POU3F3: variants seen among roughly 807,000 people sequenced by gnomAD.
POU3F3 encodes POU domain, class 3, transcription factor 3.
POU3F3 carries 1 observed loss-of-function variant against 8.6 expected under a neutral mutation model. The observed-to-expected ratio is 0.12, with a 90% CI of 0.04 to 0.55. The LOEUF (loss-of-function observed/expected upper bound fraction) is 0.55. Ranked by LOEUF, POU3F3 falls within the 20% of genes least tolerant of loss-of-function variation. The probability of loss-of-function intolerance (pLI) is 0.91; values close to 1 mark genes in which losing one functional copy is unlikely to be tolerated. For missense variants in POU3F3, 577 were observed against 690.7 expected, an observed-to-expected ratio of 0.84 and a Z score of 1.84; for synonymous variants, 418 against 327.4, an observed-to-expected ratio of 1.28 and a Z score of -2.99.
the POU3F3 span, among the ~76,000 whole-genome samples, chr2:104,912,407 G>A: frequency 2.0e-5 from 3 of 152,132 alleles, no homozygotes; most frequent in Admixed American, 6.6e-5. Flanking sequence ...CGCCAAAGCT[G>A]TTGAGCACCA....
At chr2:104,915,413 G>A in the POU3F3 span, among the ~76,000 whole-genome samples, 7 of 152,250 alleles carry the variant, frequency 4.6e-5, no homozygotes, top group East Asian at 1.9e-4. Flanking sequence ...CTCCTGCCCC[G>A]CAACCCTTTG....
chr2:104,901,421 T>A, the POU3F3 span, among the ~76,000 whole-genome samples: 2 of 152,050 alleles, frequency 1.3e-5, no homozygotes, highest in African/African-American at 2.4e-5. Context: ...CTCCTTGGGG[T>A]CCCCATGACA....
At chr2:104,877,486 TG>T in the POU3F3 span, among the ~76,000 whole-genome samples, 2 of 151,734 alleles carry the variant, frequency 1.3e-5, no homozygotes, top group Non-Finnish European at 2.9e-5. Flanking sequence ...GATGGTGGAG[TG>T]TGCGCTAATG....
the POU3F3 span, among the ~76,000 whole-genome samples, chr2:104,886,921 A>T: frequency 2.6e-5 from 4 of 152,114 alleles, no homozygotes; most frequent in East Asian, 7.7e-4. Flanking sequence ...AATAAAAAAT[A>T]AAAAAATTTA....
At chr2:104,927,506 G>A in the POU3F3 span, among the ~76,000 whole-genome samples, 2 of 152,070 alleles carry the variant, frequency 1.3e-5, no homozygotes, top group Admixed American at 1.3e-4. Context: ...TCTAATCCCA[G>A]CACTTTGAGA....
the POU3F3 span, among the ~76,000 whole-genome samples, chr2:104,901,362 C>T: frequency 1.3e-5 from 2 of 152,252 alleles, no homozygotes; most frequent in East Asian, 1.9e-4. Flanking sequence ...CAAATTGGAG[C>T]GATCGATATG....
rs1455646080 is a variant in POU3F3, at chr2:104,856,706, A to G, written c.1196A>G (p.Lys399Arg). Reference sequence around the variant, plus strand: ...ACCGGCAGCCCCACAAGCATCGACAAGATCGCGGCGCAGGGCCGCAAGCGC... The same window carrying G: ...ACCGGCAGCCCCACAAGCATCGACAGGATCGCGGCGCAGGGCCGCAAGCGC... Reference protein sequence around the residue: ...SSTGSPTSIDKIAAQGRKRKK... With the variant: ...SSTGSPTSIDRIAAQGRKRKK... Residue 399 changes from lysine (K) to arginine (R), a missense_variant, in exon 1 of 1, where the codon AAG (lysine) becomes AGG (arginine). Physicochemically the swap from Lys to Arg is conservative, Grantham distance 26. Transcript: ENST00000361360. 2 of 1,614,080 alleles carry G rather than the reference A, an allele frequency of 1.2e-6. No individual in the cohort carries two copies. Among genetic ancestry groups the G allele is most frequent in the Non-Finnish European group, 1.7e-6 (2 of 1,180,008 alleles).
Position 104,857,996 on chromosome 2 carries a change from C to A in POU3F3, c.*983C>A, listed in dbSNP as rs1396628667. 5.3e-5 allele frequency: 8 copies of A among 152,180 alleles called. No individual in the cohort carries two copies. Among genetic ancestry groups the A allele is most frequent in the Non-Finnish European group, 7.3e-5 (5 of 68,032 alleles). The allele number at this position is 152,180 out of a possible 1,614,324, so 9.4% of individuals were successfully genotyped here. On this transcript the variant is annotated 3_prime_UTR_variant, in exon 1 of 1. Coordinates refer to ENST00000361360, the MANE Select transcript of POU3F3 (RefSeq NM_006236.3). Reference sequence around the variant, plus strand: ...GCGAGGCCGCCGAGCCAGGCCCGGCCGCGTACCCAGGCTTTGACGGCTGCC... The same window carrying A: ...GCGAGGCCGCCGAGCCAGGCCCGGCAGCGTACCCAGGCTTTGACGGCTGCC...
the POU3F3 span, among the ~76,000 whole-genome samples, chr2:104,887,456 A>G: frequency 3.7e-3 from 570 of 152,322 alleles, 6 homozygotes; most frequent in African/African-American, 0.013. Context: ...TGCGTAGATA[A>G]GGCTTAAAGG....
In POU3F3 at chr2:104,855,786, C is replaced by T; in HGVS notation, c.276C>T (p.Ser92=). Residue 92 remains serine, a synonymous_variant, in exon 1 of 1, where the codon AGC becomes AGT. Coordinates refer to ENST00000361360, the MANE Select transcript of POU3F3 (RefSeq NM_006236.3). ...MAASNGGHML[S]HAHQWVTALP... is the part of the protein sequence containing the mutation. ...CCAGCAACGGCGGCCATATGCTGAGCCACGCGCACCAGTGGGTCACAGCCC... is the reference window on the plus strand; with the variant it reads ...CCAGCAACGGCGGCCATATGCTGAGTCACGCGCACCAGTGGGTCACAGCCC... 3 of 1,321,612 alleles carry T rather than the reference C, an allele frequency of 2.3e-6. No individual in the cohort carries two copies. Among genetic ancestry groups the T allele is most frequent in the Non-Finnish European group, 2.0e-6 (2 of 1,015,340 alleles). The allele number at this position is 1,321,612 out of a possible 1,614,324, so 81.9% of individuals were successfully genotyped here. A position where few individuals can be genotyped will look rare whatever the true frequency, so the allele number is the denominator to read the frequency against.
rs1310424953 is a variant in POU3F3, at chr2:104,855,923, A to C, written c.413A>C (p.Gln138Pro). The C allele has an allele frequency of 9.5e-6, 10 of 1,057,570 alleles. No individual in the cohort carries two copies. In the African/African-American group the frequency reaches 1.3e-4, roughly 13 times the overall value. The allele number at this position is 1,057,570 out of a possible 1,614,324, so 65.5% of individuals were successfully genotyped here. A position where few individuals can be genotyped will look rare whatever the true frequency, so the allele number is the denominator to read the frequency against. ...GMAGSPQQPP[Q>P]PPPPPPQGPD... is the part of the protein sequence containing the mutation. Reference sequence around the variant, plus strand: ...GCTGGCAGCCCCCAGCAGCCACCGCAGCCGCCGCCGCCACCGCCGCAGGGC... The same window carrying C: ...GCTGGCAGCCCCCAGCAGCCACCGCCGCCGCCGCCGCCACCGCCGCAGGGC... Residue 138 changes from glutamine to proline, a missense_variant, in exon 1 of 1, where the codon CAG becomes CCG. Gln to Pro is a moderately conservative substitution (Grantham distance 76). Transcript: ENST00000361360.
At chr2:104,908,208 G>A in the POU3F3 span, among the ~76,000 whole-genome samples, 1 of 152,088 alleles carries the variant, frequency 6.6e-6, no homozygotes, top group South Asian at 2.1e-4. Context: ...ATTTTATTCA[G>A]GATCTTTGCA....
At chr2:104,884,293 C>A in the POU3F3 span, among the ~76,000 whole-genome samples, 1 of 152,016 alleles carries the variant, frequency 6.6e-6, no homozygotes, top group Non-Finnish European at 1.5e-5. Flanking sequence ...TTAGATGCAC[C>A]CAGCAGCAGA....
rs1361986133 is a variant in POU3F3, at chr2:104,855,906, C to A, written c.396C>A (p.Ser132Arg). 9.4e-7 allele frequency: 1 copy of A among 1,060,376 alleles called. No homozygotes were observed. The highest frequency in any genetic ancestry group is 4.5e-4 in the Middle Eastern group (1 of 2,214). The allele number at this position is 1,060,376 out of a possible 1,614,324, so 65.7% of individuals were successfully genotyped here. A position where few individuals can be genotyped will look rare whatever the true frequency, so the allele number is the denominator to read the frequency against. The stretch of plus-strand genomic sequence containing the variant: ...GCAGCGCCGTGGGCATGGCTGGCAG[C>A]CCCCAGCAGCCACCGCAGCCGCCGC... ...WSGSAVGMAG[S>R]PQQPPQPPPP... is the part of the protein sequence containing the mutation. The change falls in exon 1 of 1, where the codon AGC becomes AGA. Residue 132 changes from serine to arginine, a missense_variant. This residue lies in a region of POU3F3 where 484 missense variants were observed against 422.6 expected (regional missense o/e 1.15). Coordinates refer to ENST00000361360, the MANE Select transcript of POU3F3 (RefSeq NM_006236.3).
chr2:104,881,810 C>A, the POU3F3 span, among the ~76,000 whole-genome samples: 1 of 152,228 alleles, frequency 6.6e-6, no homozygotes, highest in Admixed American at 6.5e-5. Context: ...GCTGGTGCTG[C>A]ATGAACACGT....
the POU3F3 span, among the ~76,000 whole-genome samples, chr2:104,917,190 T>G: frequency 6.6e-6 from 1 of 152,206 alleles, no homozygotes; most frequent in African/African-American, 2.4e-5. Context: ...TGGCAGCTTG[T>G]GGGACTTTTC....
the POU3F3 span, among the ~76,000 whole-genome samples, chr2:104,884,555 C>T: frequency 1.1e-4 from 17 of 152,224 alleles, no homozygotes. Context: ...ACACACCACT[C>T]CACTTCAACA....
At chr2:104,858,851 A>G (rs1488708563), downstream of POU3F3, among the ~76,000 whole-genome samples, 2 of 152,228 alleles carry the variant, frequency 1.3e-5, no homozygotes, top group Non-Finnish European at 2.9e-5. Context: ...TTGCCTAAAT[A>G]TTAACCCTTT....
the POU3F3 span, among the ~76,000 whole-genome samples, chr2:104,924,110 A>G: frequency 1.3e-5 from 2 of 152,334 alleles, no homozygotes; most frequent in African/African-American, 4.8e-5. Flanking sequence ...ATACCACTGA[A>G]CTATGCACCT....
Sources: allele counts gnomAD v4.1 joint callset (sites outside exome capture counted in the v4.1 genomes callset), GRCh38; gene constraint gnomAD v4.1.1; regional missense constraint gnomAD v4.1.1; transcripts MANE v1.5; gene names NCBI Gene and HGNC (gene_info 2026-07-23, HGNC 2026-07-21).